Variants in NR3C2 observed in about 807,000 individuals in gnomAD.
NR3C2 encodes mineralocorticoid receptor.
NR3C2 carries 15 observed loss-of-function variants against 86.4 expected under a neutral mutation model. That is an observed-to-expected ratio of 0.17 (90% CI 0.12 to 0.27). NR3C2 has a LOEUF of 0.27. Ranked by LOEUF, NR3C2 falls within the 10% of genes least tolerant of loss-of-function variation. The pLI, the probability that NR3C2 is intolerant of heterozygous loss-of-function variation, is 1.00. For missense variants in NR3C2, 960 were observed against 1,195.6 expected, an observed-to-expected ratio of 0.80 and a Z score of 2.91; for synonymous variants, 458 against 450.5, an observed-to-expected ratio of 1.02 and a Z score of -0.21.
chr4:148,423,017 A>G (rs552093900), intron 2 of NR3C2, among the ~76,000 whole-genome samples: 1 of 152,272 alleles, frequency 6.6e-6, no homozygotes, highest in East Asian at 1.9e-4. Context: ...GAAAAGGAAC[A>G]GGTTTTGGGT....
intron 7 of NR3C2, 78 bp downstream of exon 7, chr4:148,120,080 T>C: frequency 6.3e-7 from 1 of 1,582,312 alleles, no homozygotes; most frequent in South Asian, 1.1e-5. Flanking sequence ...ACTACCTGAA[T>C]ACAATAAATA....
chr4:148,182,281 G>A (rs1735681595), intron 4 of NR3C2, among the ~76,000 whole-genome samples: 1 of 152,122 alleles, frequency 6.6e-6, no homozygotes, highest in Admixed American at 6.6e-5. Flanking sequence ...TTTTTTAAGT[G>A]TAAGATTGCT....
chr4:148,436,114 G>A lies in NR3C2; in HGVS notation c.747C>T (p.His249=), dbSNP rs886059130. Residue 249 remains histidine, a synonymous_variant, in exon 2 of 9, where the codon CAC becomes CAT. Transcript: ENST00000358102. ...PNVENRGSRS[H]SPAHASNVGS... ...CCACATTGCTAGCATGTGCAGGGCT[G>A]TGCGACCTGGAGCCTCGATTTTCAA... 3.7e-6 allele frequency: 6 copies of A among 1,614,202 alleles called. No homozygotes were observed. In the Middle Eastern group the frequency reaches 4.9e-4, roughly 133 times the overall value.
At chr4:148,366,682 A>T (rs562867541) in intron 2 of NR3C2, among the ~76,000 whole-genome samples, 9 of 152,198 alleles carry the variant, frequency 5.9e-5, no homozygotes, top group African/African-American at 2.2e-4. Flanking sequence ...CTGTCAAATC[A>T]TCAAAAATTC....
At chr4:148,199,184 G>A (rs1222863852) in intron 3 of NR3C2, among the ~76,000 whole-genome samples, 1 of 151,864 alleles carries the variant, frequency 6.6e-6, no homozygotes, top group African/African-American at 2.4e-5. Flanking sequence ...GGAGCAGAAT[G>A]TCGCCTTTGA....
In NR3C2 at chr4:148,155,045, T is replaced by A. The variant is rs565935212; in HGVS notation, c.2015-144A>T. 28 of 693,930 alleles carry A rather than the reference T, an allele frequency of 4.0e-5. No individual in the cohort carries two copies. The African/African-American group carries it at 4.3e-4, about 11-fold the overall frequency. 43.0% of individuals were successfully genotyped at this position (693,930 alleles called of 1,614,324 possible). A position where few individuals can be genotyped will look rare whatever the true frequency, so the allele number is the denominator to read the frequency against. On this transcript the variant is annotated intron_variant, in intron 4 of 8. Coordinates refer to ENST00000358102, the MANE Select transcript of NR3C2 (RefSeq NM_000901.5). ...CCGTTTATTCCACTAAGAGAAAATA[T>A]ATAAAGCTCAATTATTATTACTTAC...
chr4:148,282,663 G>C (rs919842492), intron 2 of NR3C2, among the ~76,000 whole-genome samples: 1 of 152,102 alleles, frequency 6.6e-6, no homozygotes, highest in Non-Finnish European at 1.5e-5. Context: ...GTGGGAGTGG[G>C]GGAGTTGGAG....
chr4:148,348,218 G>C (rs1415890224), intron 2 of NR3C2, among the ~76,000 whole-genome samples: 1 of 152,056 alleles, frequency 6.6e-6, no homozygotes, highest in Non-Finnish European at 1.5e-5. Flanking sequence ...AAATCACTTG[G>C]TTGGGGATTT....
intron 2 of NR3C2, among the ~76,000 whole-genome samples, chr4:148,288,988 G>A (rs1171571963): frequency 2.6e-5 from 4 of 152,020 alleles, no homozygotes; most frequent in African/African-American, 9.7e-5. Flanking sequence ...AGAAATGAGG[G>A]TGCAATAGGG....
intron 3 of NR3C2, among the ~76,000 whole-genome samples, chr4:148,215,330 T>A: frequency 6.6e-6 from 1 of 152,242 alleles, no homozygotes; most frequent in East Asian, 1.9e-4. Context: ...TTCACTAAAC[T>A]GCAATGTTAT....
At chr4:148,248,722 T>C (rs1285980851) in intron 3 of NR3C2, among the ~76,000 whole-genome samples, 1 of 152,226 alleles carries the variant, frequency 6.6e-6, no homozygotes, top group Non-Finnish European at 1.5e-5. Flanking sequence ...AAGTAACATA[T>C]GTTTTTCTGC....
intron 8 of NR3C2, among the ~76,000 whole-genome samples, 169 bp downstream of exon 8, chr4:148,113,935 C>T (rs1732156781): frequency 6.6e-6 from 1 of 152,218 alleles, no homozygotes; most frequent in Non-Finnish European, 1.5e-5. Flanking sequence ...GTCTCATTCC[C>T]TGGCTCTGGG....
At chr4:148,173,353 G>A (rs1176955953) in intron 4 of NR3C2, among the ~76,000 whole-genome samples, 2 of 152,240 alleles carry the variant, frequency 1.3e-5, no homozygotes, top group African/African-American at 2.4e-5. Flanking sequence ...GTCTGGGTGT[G>A]TGCCATGTAA....
At chr4:148,085,258 C>T (rs1730759821) in intron 8 of NR3C2, among the ~76,000 whole-genome samples, 1 of 152,200 alleles carries the variant, frequency 6.6e-6, no homozygotes, top group Admixed American at 6.5e-5. Flanking sequence ...AAGTAAAACA[C>T]TCCTTAGCAA....
chr4:148,158,878 T>G (rs1734526207), intron 4 of NR3C2, among the ~76,000 whole-genome samples: 1 of 152,216 alleles, frequency 6.6e-6, no homozygotes. Flanking sequence ...TACATTTAAC[T>G]TTATACTGTG....
Position 148,435,606 on chromosome 4 carries a change from A to C in NR3C2, c.1255T>G (p.Ser419Ala). Residue 419 changes from serine to alanine, a missense_variant, in exon 2 of 9, where the codon TCG becomes GCG. Coordinates refer to ENST00000358102, the MANE Select transcript of NR3C2 (RefSeq NM_000901.5). ...SCLGGNSKIN[S>A]DSSFSVPIKQ... The stretch of plus-strand genomic sequence containing the variant: ...ATTGGTACTGAGAATGAAGAATCCG[A>C]ATTTATTTTGCTATTTCCTCCTAGA... 6.2e-7 allele frequency: 1 copy of C among 1,614,098 alleles called. No individual in the cohort carries two copies. The highest frequency in any genetic ancestry group is 8.5e-7 in the Non-Finnish European group (1 of 1,180,038).
chr4:148,287,322 A>G (rs984030166), intron 2 of NR3C2, among the ~76,000 whole-genome samples: 1 of 152,210 alleles, frequency 6.6e-6, no homozygotes, highest in African/African-American at 2.4e-5. Flanking sequence ...CCTTTTGGAC[A>G]CAATGCATTC....
intron 4 of NR3C2, among the ~76,000 whole-genome samples, chr4:148,187,993 TTTTG>T (rs1405189439): frequency 6.6e-6 from 1 of 152,158 alleles, no homozygotes. Context: ...TATCTTATGT[TTTTG>T]TTTATTTGTC....
chr4:148,420,173 G>A (rs1181386840), intron 2 of NR3C2, among the ~76,000 whole-genome samples: 2 of 152,118 alleles, frequency 1.3e-5, no homozygotes, highest in Non-Finnish European at 2.9e-5. Context: ...CCTGAACAAC[G>A]AATGAAAATA....
Sources: gnomAD v4.1 joint callset for allele counts (sites outside exome capture counted in the v4.1 genomes callset) on GRCh38, gnomAD v4.1.1 for gene constraint, MANE v1.5 for transcripts, NCBI Gene and HGNC (gene_info 2026-07-23, HGNC 2026-07-21) for gene names.